Variants in FTCDNL1 observed in about 807,000 individuals in gnomAD.
FTCDNL1 encodes formiminotransferase N-terminal subdomain-containing protein.
FTCDNL1 carries 11 observed loss-of-function variants against 5.9 expected under a neutral mutation model. That is an observed-to-expected ratio of 1.87 (90% confidence interval 1.18 to 3.10). FTCDNL1 has a LOEUF of 3.10. Ranked by LOEUF, FTCDNL1 falls within the 30% of genes most tolerant of loss-of-function variation. The pLI is 0.00. For synonymous variants in FTCDNL1, 58 were observed against 24.8 expected (o/e 2.34, Z -3.99); for missense variants, 115 against 65.5 (o/e 1.76, Z -2.61).
chr2:199,741,648 T>C, the FTCDNL1 span, among the ~76,000 whole-genome samples: 4 of 152,180 alleles, frequency 2.6e-5, no homozygotes, highest in African/African-American at 9.7e-5. Context: ...CTAAATAAAA[T>C]ATTTTCAAAT....
chr2:199,844,221 T>C (rs948502286), intron 3 of FTCDNL1, among the ~76,000 whole-genome samples: 11 of 151,790 alleles, frequency 7.2e-5, no homozygotes, highest in African/African-American at 2.7e-4. Context: ...GGGTAGGAAG[T>C]GGAGGGGTGT....
intron 3 of FTCDNL1, among the ~76,000 whole-genome samples, chr2:199,838,999 CA>C (rs1369070599): frequency 6.6e-6 from 1 of 151,638 alleles, no homozygotes; most frequent in Non-Finnish European, 1.5e-5. Flanking sequence ...GAGGAAAGAC[CA>C]AAAAAATACT....
intron 3 of FTCDNL1, among the ~76,000 whole-genome samples, chr2:199,765,647 T>C (rs1698499994): frequency 6.8e-6 from 1 of 146,690 alleles, no homozygotes; most frequent in Non-Finnish European, 1.5e-5. Flanking sequence ...GTTCAAGCGA[T>C]CCTCCCACCT....
chr2:199,809,260 C>CT (rs901765807), downstream of FTCDNL1, among the ~76,000 whole-genome samples: 13 of 141,360 alleles, frequency 9.2e-5, no homozygotes, highest in South Asian at 2.3e-4. Flanking sequence ...TTTTTTTTAA[C>CT]TTTTTTTTTT....
chr2:199,763,992 C>T, intron 3 of FTCDNL1, among the ~76,000 whole-genome samples: 1 of 152,156 alleles, frequency 6.6e-6, no homozygotes, highest in East Asian at 1.9e-4. Flanking sequence ...CAGATGCCTG[C>T]CACGACACCT....
chr2:199,762,714 C>T (rs1441371791), intron 3 of FTCDNL1, among the ~76,000 whole-genome samples: 1 of 152,090 alleles, frequency 6.6e-6, no homozygotes, highest in Non-Finnish European at 1.5e-5. Flanking sequence ...CTTATCTGTA[C>T]AACGGCAATA....
At chr2:199,670,909 A>C in the FTCDNL1 span, among the ~76,000 whole-genome samples, 6 of 152,180 alleles carry the variant, frequency 3.9e-5, no homozygotes, top group African/African-American at 1.4e-4. Flanking sequence ...CTCACATGAC[A>C]GTAGCCTTGT....
At chr2:199,753,073 G>C in the FTCDNL1 span, among the ~76,000 whole-genome samples, 1 of 152,108 alleles carries the variant, frequency 6.6e-6, no homozygotes, top group Non-Finnish European at 1.5e-5. Flanking sequence ...GAGTGAAACG[G>C]GGCCTTGCCT....
the FTCDNL1 span, among the ~76,000 whole-genome samples, chr2:199,667,960 C>T: frequency 2.2e-4 from 34 of 152,178 alleles, no homozygotes; most frequent in African/African-American, 7.0e-4. Flanking sequence ...TAGTAGTCAC[C>T]GAACCCAAAA....
the FTCDNL1 span, among the ~76,000 whole-genome samples, chr2:199,705,548 AATT>A: frequency 6.6e-6 from 1 of 152,112 alleles, no homozygotes; most frequent in Non-Finnish European, 1.5e-5. Context: ...TCTGTAAATA[AATT>A]ATATTTTGTC....
the FTCDNL1 span, among the ~76,000 whole-genome samples, chr2:199,669,487 G>A: frequency 6.6e-6 from 1 of 152,130 alleles, no homozygotes; most frequent in South Asian, 2.1e-4. Context: ...TCATTTTTCA[G>A]CCTCAATAAG....
At chr2:199,710,760 C>T in the FTCDNL1 span, among the ~76,000 whole-genome samples, 8 of 152,166 alleles carry the variant, frequency 5.3e-5, no homozygotes, top group East Asian at 1.5e-3. Flanking sequence ...ATTGCTAAGG[C>T]CCCTGAAGTC....
At chr2:199,775,914 T>A (rs1699038789) in intron 3 of FTCDNL1, among the ~76,000 whole-genome samples, 1 of 31,486 alleles carries the variant, frequency 3.2e-5, no homozygotes, top group Non-Finnish European at 1.1e-4. Context: ...AGGATCTCCT[T>A]TTTTTTTTTT....
Position 199,773,818 on chromosome 2 carries a change from G to A in FTCDNL1, c.212-12983C>T, listed in dbSNP as rs185139489. Among the ~76,000 whole-genome samples, 7 of 152,116 alleles carry A rather than the reference G, an allele frequency of 4.6e-5. No homozygotes were observed. The East Asian group carries it at 7.7e-4, about 17-fold the overall frequency. The stretch of plus-strand genomic sequence containing the variant: ...CATTATGATAATTGCATTGCATCTC[G>A]CTTCTGATATTAAGCACCACCACCT... On this transcript the variant is annotated intron_variant, in intron 3 of 3. Transcript: ENST00000416668.
rs61047289 is a variant in FTCDNL1, at chr2:199,785,249, C to CTTTTTTTTTTTTTTTTTTTTT, written c.212-24415_212-24414insAAAAAAAAAAAAAAAAAAAAA. On this transcript the variant is annotated intron_variant, in intron 3 of 3. Transcript: ENST00000416668. ...AGGGTCTCTAAACTCTTCCAAATTC[C>CTTTTTTTTTTTTTTTTTTTTT]TTTTTTTTTTTTTTTTGAGACAGAA... is the stretch of plus-strand genomic sequence containing the variant. Among the ~76,000 whole-genome samples, 20 of 76,864 alleles carry CTTTTTTTTTTTTTTTTTTTTT rather than the reference C, an allele frequency of 2.6e-4. 5 individuals carry two copies. The highest frequency in any genetic ancestry group is 5.1e-4 in the African/African-American group (9 of 17,642). The allele number at this position is 76,864 out of a possible 152,430, so 50.4% of individuals were successfully genotyped here.
chr2:199,849,271 G>A (rs958155614), intron 1 of FTCDNL1, among the ~76,000 whole-genome samples: 2 of 152,200 alleles, frequency 1.3e-5, no homozygotes, highest in Non-Finnish European at 2.9e-5. Context: ...CCCATTTTAA[G>A]CATAGTTTTC....
the FTCDNL1 span, among the ~76,000 whole-genome samples, chr2:199,739,122 A>G: frequency 0.83 from 126,381 of 152,238 alleles, 54,068 homozygotes; most frequent in East Asian, 1. Flanking sequence ...CTTAAAGTGT[A>G]TGTCTCTCAT....
At position 199,781,924 on chromosome 2, in the gene FTCDNL1, C is replaced by T. The variant is rs144430920; in HGVS notation, c.212-21089G>A. 3.7e-3 allele frequency among the ~76,000 whole-genome samples: 570 copies of T among 152,196 alleles called. 7 individuals are homozygous for T. The highest frequency in any genetic ancestry group is 9.7e-3 in the African/African-American group (401 of 41,526). ...CCTCCCGAGTAGCTGGGACTACAGG[C>T]GCCCGCCACCACACCTGGCTAATTC... On this transcript the variant is annotated intron_variant, in intron 3 of 3. Transcript: ENST00000416668.
At chr2:199,774,507 C>T (rs1698963473) in intron 3 of FTCDNL1, among the ~76,000 whole-genome samples, 1 of 152,088 alleles carries the variant, frequency 6.6e-6, no homozygotes, top group East Asian at 1.9e-4. Context: ...TGTTGTCTTA[C>T]AAAGCACAGG....
Sources: gnomAD v4.1 joint callset for allele counts (sites outside exome capture counted in the v4.1 genomes callset) on GRCh38, gnomAD v4.1.1 for gene constraint, MANE v1.5 for transcripts, NCBI Gene and HGNC (gene_info 2026-07-23, HGNC 2026-07-21) for gene names.